Variants in AKAP12 observed in about 807,000 individuals in gnomAD.
The protein encoded by AKAP12 is A-kinase anchor protein 12.
In AKAP12, 32 loss-of-function variants were observed where a neutral mutation model predicts 79.9. That is an observed-to-expected ratio of 0.40 (90% CI 0.30 to 0.54). The LOEUF (loss-of-function observed/expected upper bound fraction) is 0.54. Ranked by LOEUF, AKAP12 falls within the 20% of genes least tolerant of loss-of-function variation. The pLI is 0.48. For synonymous variants in AKAP12, 808 were observed against 857.0 expected (o/e 0.94, Z 1.00); for missense variants, 2,074 against 2,177.0 (o/e 0.95, Z 0.94).
rs55685824 is a variant in AKAP12, at chr6:151,312,793, C to CAAAAAAAAAAAAA, written c.319+6896_319+6908dup. ...GGCTACAAGAGGGAGACTCTGTCTC[C>CAAAAAAAAAAAAA]AAAAAAAAAAAAAAAAAAGAATCAT... On this transcript the variant is annotated intron_variant, in intron 3 of 4. Coordinates refer to ENST00000402676, the MANE Select transcript of AKAP12 (RefSeq NM_005100.4). Among the ~76,000 whole-genome samples, 132 of 72,940 alleles carry CAAAAAAAAAAAAA rather than the reference C, an allele frequency of 1.8e-3. 1 individual carries two copies. Among genetic ancestry groups the CAAAAAAAAAAAAA allele is most frequent in the South Asian group, 2.9e-3 (5 of 1,736 alleles). The allele number at this position is 72,940 out of a possible 152,430, so 47.9% of individuals were successfully genotyped here. A position where few individuals can be genotyped will look rare whatever the true frequency, so the allele number is the denominator to read the frequency against.
At position 151,312,103 on chromosome 6, in the gene AKAP12, CCTT is replaced by C. The variant is rs1188891489; in HGVS notation, c.319+6201_319+6203del. Among the ~76,000 whole-genome samples the C allele has an allele frequency of 4.6e-5, 7 of 152,322 alleles. No individual in the cohort carries two copies. The South Asian group carries it at 1.0e-3, about 23-fold the overall frequency. On this transcript the variant is annotated intron_variant, in intron 3 of 4. Coordinates refer to ENST00000402676, the MANE Select transcript of AKAP12 (RefSeq NM_005100.4). Reference sequence around the variant, plus strand: ...ACCCACATTACAGCCCTCCACTCCTCCTTTCCTTTTCTCTACACCAGTTGTTAA... The same window carrying C: ...ACCCACATTACAGCCCTCCACTCCTCTCCTTTTCTCTACACCAGTTGTTAA...
chr6:151,351,927 A>T lies in AKAP12; in HGVS notation c.3536A>T (p.Asp1179Val), dbSNP rs757724140. 1.2e-6 allele frequency: 2 copies of T among 1,614,140 alleles called. No homozygotes were observed. The highest frequency in any genetic ancestry group is 1.7e-6 in the Non-Finnish European group (2 of 1,180,028). The change falls in exon 4 of 5, where the codon GAC (aspartate) becomes GTC (valine). Residue 1179 changes from aspartate to valine, a missense_variant. Coordinates refer to ENST00000402676, the MANE Select transcript of AKAP12 (RefSeq NM_005100.4). The surrounding 1 kb of genome is among the most constrained non-coding windows in gnomAD (Gnocchi z 4.4). ...SETDGSTPVADFDAPGTTQKD... is the reference protein window; with the variant it reads ...SETDGSTPVAVFDAPGTTQKD... ...ACTGATGGAAGCACCCCCGTAGCCG[A>T]CTTTGACGCACCAGGCACAACCCAG...
At position 151,325,473 on chromosome 6, in the gene AKAP12, C is replaced by T. The variant is rs1020117939; in HGVS notation, c.319+19570C>T. On this transcript the variant is annotated intron_variant, in intron 3 of 4. Transcript: ENST00000402676. ...CCGGGACTCTGCAGAACCCGCTGACCACTCACAGAGCCCAGCTCGGGGGAG... is the reference window on the plus strand; with the variant it reads ...CCGGGACTCTGCAGAACCCGCTGACTACTCACAGAGCCCAGCTCGGGGGAG... 42 of 985,426 alleles carry T rather than the reference C, an allele frequency of 4.3e-5. No homozygotes were observed. The African/African-American group carries it at 7.0e-4, about 16-fold the overall frequency. The allele number at this position is 985,426 out of a possible 1,614,324, so 61.0% of individuals were successfully genotyped here.
chr6:151,289,029 G>T (rs936409412), intron 2 of AKAP12, among the ~76,000 whole-genome samples: 8 of 152,344 alleles, frequency 5.3e-5, no homozygotes, highest in African/African-American at 1.9e-4. Flanking sequence ...AGTACCTACT[G>T]CAAGTGCTTT....
At chr6:151,284,017 C>A (rs1261883062) in intron 2 of AKAP12, among the ~76,000 whole-genome samples, 1 of 152,174 alleles carries the variant, frequency 6.6e-6, no homozygotes, top group Non-Finnish European at 1.5e-5. Flanking sequence ...TAGGGTTTGT[C>A]TGTGGTCAAT....
At chr6:151,278,405 A>G (rs953814078) in intron 2 of AKAP12, among the ~76,000 whole-genome samples, 1 of 151,984 alleles carries the variant, frequency 6.6e-6, no homozygotes, top group Non-Finnish European at 1.5e-5. Flanking sequence ...TAGTAGAGAC[A>G]GGGTTTTGCC....
At chr6:151,327,231 C>T (rs1240747892) in intron 3 of AKAP12, among the ~76,000 whole-genome samples, 1 of 151,502 alleles carries the variant, frequency 6.6e-6, no homozygotes, top group Admixed American at 6.6e-5. Context: ...TGTGAAAGTT[C>T]AGCAATACTA....
At chr6:151,280,020 CAT>C (rs903371193) in intron 2 of AKAP12, among the ~76,000 whole-genome samples, 24 of 147,372 alleles carry the variant, frequency 1.6e-4, no homozygotes, top group African/African-American at 4.7e-4. Flanking sequence ...CACAAACAAA[CAT>C]ATCCTTTCGG....
At chr6:151,278,454 G>A (rs977143574) in intron 2 of AKAP12, among the ~76,000 whole-genome samples, 5 of 152,234 alleles carry the variant, frequency 3.3e-5, no homozygotes, top group African/African-American at 1.2e-4. Flanking sequence ...TACCTCAGGT[G>A]ATCCTCCCTC....
intron 2 of AKAP12, among the ~76,000 whole-genome samples, chr6:151,279,095 A>G (rs1776348006): frequency 1.3e-5 from 2 of 152,200 alleles, no homozygotes; most frequent in Admixed American, 1.3e-4. Flanking sequence ...GTGGATTTGA[A>G]ATAGAGAACA....
At chr6:151,323,755 G>A in intron 3 of AKAP12, 1 of 985,384 alleles carries the variant, frequency 1.0e-6, no homozygotes, top group Middle Eastern at 5.2e-4. Context: ...TTGTCCCAGT[G>A]TTAGAATTTG....
chr6:151,270,406 G>A (rs542234297), intron 2 of AKAP12, among the ~76,000 whole-genome samples: 1 of 152,204 alleles, frequency 6.6e-6, no homozygotes, highest in African/African-American at 2.4e-5. Context: ...TATATCCTAC[G>A]TTTTATTTAT....
intron 2 of AKAP12, among the ~76,000 whole-genome samples, chr6:151,289,323 C>A (rs1776567672): frequency 6.6e-6 from 1 of 152,128 alleles, no homozygotes; most frequent in South Asian, 2.1e-4. Flanking sequence ...GCAAATTCAC[C>A]ATACTTGGAT....
intron 2 of AKAP12, among the ~76,000 whole-genome samples, chr6:151,243,640 G>A (rs1797017891): frequency 6.6e-6 from 1 of 151,902 alleles, no homozygotes; most frequent in African/African-American, 2.4e-5. Context: ...TATTTTTTCC[G>A]TTAGATCCAG....
chr6:151,284,282 C>T (rs928163090), intron 2 of AKAP12, among the ~76,000 whole-genome samples: 8 of 152,156 alleles, frequency 5.3e-5, no homozygotes, highest in Non-Finnish European at 7.3e-5. Context: ...ACCAGAACTC[C>T]TGGCATCACT....
chr6:151,276,635 C>T (rs562693176), intron 2 of AKAP12, among the ~76,000 whole-genome samples: 1 of 152,370 alleles, frequency 6.6e-6, no homozygotes, highest in South Asian at 2.1e-4. Context: ...CCCTGAGCCT[C>T]GCACAAAGAG....
chr6:151,340,084 C>T (rs1202263893), intron 3 of AKAP12, among the ~76,000 whole-genome samples: 1 of 151,984 alleles, frequency 6.6e-6, no homozygotes, highest in Admixed American at 6.6e-5. Flanking sequence ...CACCACAATG[C>T]CCGGCTAATT....
At chr6:151,280,955 C>A (rs1258289803) in intron 2 of AKAP12, among the ~76,000 whole-genome samples, 1 of 152,096 alleles carries the variant, frequency 6.6e-6, no homozygotes, top group East Asian at 1.9e-4. Flanking sequence ...TAGAGAATTA[C>A]CATTTCTTAT....
chr6:151,242,350 G>A (rs968864567), intron 2 of AKAP12, among the ~76,000 whole-genome samples: 1 of 151,706 alleles, frequency 6.6e-6, no homozygotes, highest in Non-Finnish European at 1.5e-5. Context: ...CTCTTTTTCC[G>A]TCTTCCATAA....
Sources: gnomAD v4.1 joint callset for allele counts (sites outside exome capture counted in the v4.1 genomes callset) on GRCh38, gnomAD v4.1.1 for gene constraint, Gnocchi (gnomAD v3.1) non-coding constraint, MANE v1.5 for transcripts, NCBI Gene and HGNC (gene_info 2026-07-23, HGNC 2026-07-21) for gene names.